ARHGEF3: variants seen among roughly 807,000 people sequenced by gnomAD.
ARHGEF3 encodes 59.8 kDA protein.
A neutral mutation model predicts 63.2 loss-of-function variants in ARHGEF3; 28 were observed. The observed-to-expected ratio is 0.44, with a 90% CI of 0.33 to 0.61. The LOEUF (loss-of-function observed/expected upper bound fraction) is 0.61. Ranked by LOEUF, ARHGEF3 falls within the 20% of genes least tolerant of loss-of-function variation. ARHGEF3 has a pLI of 0.03. For synonymous variants in ARHGEF3, 266 were observed against 254.2 expected, an observed-to-expected ratio of 1.05 and a Z score of -0.44; for missense variants, 533 against 659.3, an observed-to-expected ratio of 0.81 and a Z score of 2.10.
At chr3:56,770,411 A>AAAATTAAATTAAATTAAATT (rs532232575) in intron 2 of ARHGEF3, among the ~76,000 whole-genome samples, 9 of 147,804 alleles carry the variant, frequency 6.1e-5, no homozygotes, top group African/African-American at 2.0e-4. Flanking sequence ...CTCTGTCTCG[A>AAAATTAAATTAAATTAAATT]AAATTAAATT....
intron 1 of ARHGEF3, among the ~76,000 whole-genome samples, chr3:57,058,414 G>C (rs1705036473): frequency 6.6e-6 from 1 of 152,178 alleles, no homozygotes; most frequent in Non-Finnish European, 1.5e-5. Context: ...CAATGGGTTT[G>C]TTTCATGTCA....
intron 1 of ARHGEF3, chr3:56,775,591 C>T (rs1285443181): frequency 8.1e-6 from 8 of 985,704 alleles, no homozygotes; most frequent in African/African-American, 3.5e-5. Flanking sequence ...GATGAATCTC[C>T]CAAGATGAAA....
At chr3:56,990,587 TA>T (rs901874264) in intron 2 of ARHGEF3, among the ~76,000 whole-genome samples, 49 of 152,280 alleles carry the variant, frequency 3.2e-4, no homozygotes, top group Admixed American at 5.2e-4. Flanking sequence ...GTATTGGTTA[TA>T]AAATGGATCC....
chr3:56,966,492 A>C (rs2106794016), intron 2 of ARHGEF3, among the ~76,000 whole-genome samples: 1 of 152,358 alleles, frequency 6.6e-6, no homozygotes, highest in South Asian at 2.1e-4. Flanking sequence ...GATTATAATA[A>C]CATATATTAG....
At chr3:57,030,984 A>G (rs1177829739) in intron 2 of ARHGEF3, among the ~76,000 whole-genome samples, 1 of 152,350 alleles carries the variant, frequency 6.6e-6, no homozygotes, top group African/African-American at 2.4e-5. Flanking sequence ...CAGGGATTCC[A>G]GGGAGCCCCA....
At chr3:57,030,761 C>T (rs558293018) in intron 2 of ARHGEF3, among the ~76,000 whole-genome samples, 21 of 152,324 alleles carry the variant, frequency 1.4e-4, no homozygotes, top group African/African-American at 4.8e-4. Flanking sequence ...AAACTGCACT[C>T]TCCAGGGTAT....
At chr3:57,006,311 G>A (rs575691524) in intron 2 of ARHGEF3, among the ~76,000 whole-genome samples, 1 of 152,292 alleles carries the variant, frequency 6.6e-6, no homozygotes, top group Non-Finnish European at 1.5e-5. Flanking sequence ...AATGACCAGC[G>A]TGAGGTATCT....
intron 3 of ARHGEF3, among the ~76,000 whole-genome samples, chr3:56,918,519 AG>A (rs1373965418): frequency 6.6e-6 from 1 of 152,178 alleles, no homozygotes; most frequent in African/African-American, 2.4e-5. Flanking sequence ...GTAGCAGTGG[AG>A]CAGGGAGGGG....
chr3:57,062,668 T>C (rs1705293523), intron 1 of ARHGEF3, among the ~76,000 whole-genome samples: 1 of 152,150 alleles, frequency 6.6e-6, no homozygotes, highest in African/African-American at 2.4e-5. Context: ...CTGGTGGGAA[T>C]GACAGGACTC....
chr3:56,924,745 T>C (rs1004790505), intron 3 of ARHGEF3, among the ~76,000 whole-genome samples: 9 of 152,162 alleles, frequency 5.9e-5, no homozygotes, highest in African/African-American at 2.2e-4. Flanking sequence ...TTTAGCCAGA[T>C]TCTTTACTGC....
chr3:56,991,775 C>A (rs917260220), intron 2 of ARHGEF3, among the ~76,000 whole-genome samples: 1 of 152,038 alleles, frequency 6.6e-6, no homozygotes, highest in Non-Finnish European at 1.5e-5. Flanking sequence ...CCACCACGAG[C>A]AGCTAACTTT....
intron 4 of ARHGEF3, among the ~76,000 whole-genome samples, chr3:56,842,779 C>T (rs772904138): frequency 1.3e-5 from 2 of 152,154 alleles, no homozygotes; most frequent in Admixed American, 6.5e-5. Context: ...CCTGAGCAGG[C>T]GCCCCATTCA....
chr3:56,829,943 C>T (rs79739630), intron 4 of ARHGEF3, among the ~76,000 whole-genome samples: 4,836 of 152,298 alleles, frequency 0.032, 184 homozygotes, highest in East Asian at 0.22. Flanking sequence ...ATAATAGCAA[C>T]AGACAGTTTA....
intron 4 of ARHGEF3, among the ~76,000 whole-genome samples, chr3:56,814,674 T>TA (rs397950216): frequency 3.9e-5 from 6 of 152,170 alleles, no homozygotes; most frequent in South Asian, 4.2e-4. Context: ...CCTTTTTTTT[T>TA]AAATGAATTA....
rs55778548 is a variant in ARHGEF3, at chr3:57,002,424, C to CTATATATATATA, written c.62+32652_62+32663dup. ...TATATGCCAGGCACTGTTCTAAGCA[C>CTATATATATATA]TATATATATATATATATGCCAGGCA... On this transcript the variant is annotated intron_variant, in intron 2 of 12. Coordinates refer to the ARHGEF3 transcript ENST00000338458. Among the ~76,000 whole-genome samples the CTATATATATATA allele has an allele frequency of 3.3e-4, 21 of 62,774 alleles. 3 individuals are homozygous for CTATATATATATA. The highest frequency in any genetic ancestry group is 6.9e-4 in the Non-Finnish European group (20 of 28,928). 41.2% of individuals were successfully genotyped at this position (62,774 alleles called of 152,430 possible). A position where few individuals can be genotyped will look rare whatever the true frequency, so the allele number is the denominator to read the frequency against.
At chr3:56,962,865 A>C (rs1700340549) in intron 2 of ARHGEF3, among the ~76,000 whole-genome samples, 1 of 152,230 alleles carries the variant, frequency 6.6e-6, no homozygotes, top group Non-Finnish European at 1.5e-5. Context: ...AATAGGCCTT[A>C]GGGTTAGTGC....
intron 7 of ARHGEF3, among the ~76,000 whole-genome samples, chr3:56,741,184 C>CCTTTTT (rs754074079): frequency 3.9e-5 from 5 of 128,864 alleles, no homozygotes; most frequent in Admixed American, 8.5e-5. Flanking sequence ...TGCTTTGGTT[C>CCTTTTT]TTTTTTTTTT....
chr3:56,992,024 CTGTGTGTGTGTGTGTGTGTGTG>C (rs58860849), intron 2 of ARHGEF3, among the ~76,000 whole-genome samples: 2 of 131,716 alleles, frequency 1.5e-5, no homozygotes, highest in African/African-American at 2.9e-5. Flanking sequence ...CCTCCTCTCT[CTGTGTGTGTGTGTGTGTGTGTG>C]TGTGTGTGTG....
chr3:56,775,220 C>T lies in ARHGEF3; in HGVS notation c.97-1404G>A, dbSNP rs933505990. 36 of 1,405,704 alleles carry T rather than the reference C, an allele frequency of 2.6e-5. No homozygotes were observed. The Admixed American group carries it at 5.5e-4, about 21-fold the overall frequency. 87.1% of individuals were successfully genotyped at this position (1,405,704 alleles called of 1,614,324 possible). A position where few individuals can be genotyped will look rare whatever the true frequency, so the allele number is the denominator to read the frequency against. ...ATTCTCCAGGATATTTCTGCATCCCCGTTCTGAACATAGTAGGTGCCTGGA... is the reference window on the plus strand; with the variant it reads ...ATTCTCCAGGATATTTCTGCATCCCTGTTCTGAACATAGTAGGTGCCTGGA... On this transcript the variant is annotated intron_variant, in intron 1 of 9. Coordinates refer to ENST00000296315, the MANE Select transcript of ARHGEF3 (RefSeq NM_019555.3).
Sources: gnomAD v4.1 joint callset for allele counts (sites outside exome capture counted in the v4.1 genomes callset) on GRCh38, gnomAD v4.1.1 for gene constraint, MANE v1.5 for transcripts, NCBI Gene and HGNC (gene_info 2026-07-23, HGNC 2026-07-21) for gene names.